The following NSUN6 variants were observed in gnomAD, a reference collection of about 807,000 sequenced individuals.
NSUN6 encodes NOP2/Sun RNA methyltransferase 6.
A neutral mutation model predicts 58.0 loss-of-function variants in NSUN6; 64 were observed. That is an observed-to-expected ratio of 1.10 (90% confidence interval 0.90 to 1.36). NSUN6 has a LOEUF of 1.36. Ranked by LOEUF, NSUN6 falls within the 40% of genes most tolerant of loss-of-function variation. The pLI, the probability that NSUN6 is intolerant of heterozygous loss-of-function variation, is 0.00. For missense variants in NSUN6, 701 were observed against 550.1 expected (o/e 1.27, Z -2.74); for synonymous variants, 231 against 193.9 (o/e 1.19, Z -1.59).
In NSUN6 at chr10:18,648,501, C is replaced by A; in HGVS notation, c.220G>T (p.Glu74Ter). 1 of 1,596,954 alleles carries A rather than the reference C, an allele frequency of 6.3e-7. No individual in the cohort carries two copies. Among genetic ancestry groups the A allele is most frequent in the Non-Finnish European group, 8.6e-7 (1 of 1,169,016 alleles). Residue 74 changes from glutamate to a stop codon, truncating the protein, a stop_gained, in exon 2 of 11, where the codon GAA becomes TAA. Coordinates refer to ENST00000377304, the MANE Select transcript of NSUN6 (RefSeq NM_182543.5). LOFTEE classifies it high-confidence loss of function. ...VQHVKNLLLD[E>*]LQKQFNGLSV... ...AAATTTCCACAAACCTTCTGAAGTT[C>A]ATCAAGTAACAGATTTTTCACATGT...
intron 6 of NSUN6, among the ~76,000 whole-genome samples, chr10:18,603,402 G>C (rs550962930): frequency 6.6e-6 from 1 of 152,252 alleles, no homozygotes; most frequent in South Asian, 2.1e-4. Flanking sequence ...CTGCTCAATG[G>C]AATGTACATA....
At chr10:18,626,997 G>A (rs867462015) in intron 3 of NSUN6, among the ~76,000 whole-genome samples, 1 of 152,114 alleles carries the variant, frequency 6.6e-6, no homozygotes, top group Non-Finnish European at 1.5e-5. Flanking sequence ...TTGATTTTTG[G>A]CCTAAAAAGT....
chr10:18,642,352 C>T, intron 3 of NSUN6, 124 bp downstream of exon 3: 1 of 599,698 alleles, frequency 1.7e-6, no homozygotes, highest in South Asian at 2.3e-5. Flanking sequence ...GTTTTGAATT[C>T]CTGTTATCTA....
upstream of NSUN6, among the ~76,000 whole-genome samples, chr10:18,659,036 C>A (rs2059809241): frequency 6.6e-6 from 1 of 152,232 alleles, no homozygotes; most frequent in Non-Finnish European, 1.5e-5. Context: ...ACGGCGGCTG[C>A]TCACTTAGAG....
chr10:18,640,460 G>A (rs1477626254), intron 3 of NSUN6, among the ~76,000 whole-genome samples: 2 of 152,156 alleles, frequency 1.3e-5, no homozygotes, highest in Non-Finnish European at 1.5e-5. Flanking sequence ...AATAAGAAAT[G>A]GCCAAAGTTT....
chr10:18,651,831 G>A, upstream of NSUN6: 5 of 985,460 alleles, frequency 5.1e-6, no homozygotes, highest in Non-Finnish European at 6.0e-6. Context: ...TTAGTTCCCG[G>A]TACCGGAGGG....
intron 8 of NSUN6, among the ~76,000 whole-genome samples, chr10:18,565,749 C>T (rs1378023226): frequency 1.3e-5 from 2 of 150,300 alleles, no homozygotes; most frequent in African/African-American, 2.4e-5. Flanking sequence ...CCATTCCACG[C>T]TCCATTTCAT....
At chr10:18,612,756 A>G (rs1034975508) in intron 5 of NSUN6, among the ~76,000 whole-genome samples, 4 of 152,254 alleles carry the variant, frequency 2.6e-5, no homozygotes, top group African/African-American at 9.6e-5. Flanking sequence ...TTATTCAGGT[A>G]TGAGATTACA....
At chr10:18,587,092 T>C (rs1024356062) in intron 7 of NSUN6, among the ~76,000 whole-genome samples, 2 of 152,182 alleles carry the variant, frequency 1.3e-5, no homozygotes, top group African/African-American at 2.4e-5. Flanking sequence ...AATAATCTTA[T>C]AATAACTAGC....
chr10:18,590,278 A>G (rs1220602807), intron 7 of NSUN6, among the ~76,000 whole-genome samples: 1 of 152,212 alleles, frequency 6.6e-6, no homozygotes, highest in Non-Finnish European at 1.5e-5. Flanking sequence ...AGAGACCTAC[A>G]AAGAGACTTA....
At chr10:18,550,945 C>T (rs1003655042) in intron 9 of NSUN6, among the ~76,000 whole-genome samples, 6 of 152,010 alleles carry the variant, frequency 3.9e-5, no homozygotes, top group Admixed American at 1.3e-4. Flanking sequence ...AGGCTGGTCT[C>T]GAACTCCTGA....
At chr10:18,579,061 ACCCCCAGACATACCTGG>A (rs995667269) in intron 8 of NSUN6, among the ~76,000 whole-genome samples, 1 of 152,186 alleles carries the variant, frequency 6.6e-6, no homozygotes, top group Non-Finnish European at 1.5e-5. Flanking sequence ...CACCAGAATG[ACCCCCAGACATACCTGG>A]CGTGAGTGAA....
chr10:18,644,916 G>A (rs1184115775), intron 2 of NSUN6, among the ~76,000 whole-genome samples: 4 of 151,024 alleles, frequency 2.6e-5, no homozygotes, highest in South Asian at 4.2e-4. Flanking sequence ...CCAGCACTCT[G>A]TGAGGCCGAA....
chr10:18,641,446 G>T (rs1402462250), intron 3 of NSUN6, among the ~76,000 whole-genome samples: 2 of 150,880 alleles, frequency 1.3e-5, no homozygotes, highest in Non-Finnish European at 2.9e-5. Flanking sequence ...GCTCACTGCA[G>T]CCTCCACCTC....
chr10:18,624,324 C>T (rs1467238519), intron 3 of NSUN6, among the ~76,000 whole-genome samples: 5 of 151,888 alleles, frequency 3.3e-5, no homozygotes, highest in African/African-American at 9.7e-5. Context: ...AAACTTATCT[C>T]CTATACTATT....
chr10:18,624,568 G>T (rs1360471609), intron 3 of NSUN6, among the ~76,000 whole-genome samples: 1 of 140,252 alleles, frequency 7.1e-6, no homozygotes, highest in South Asian at 2.3e-4. Flanking sequence ...GGAGAATGGC[G>T]TAGACCCGGG....
In NSUN6 at chr10:18,545,882, CCA is replaced by C; in HGVS notation, c.*49_*50del. The C allele has an allele frequency of 2.2e-6, 1 of 464,220 alleles. No individual in the cohort carries two copies. The allele number at this position is 464,220 out of a possible 1,614,324, so 28.8% of individuals were successfully genotyped here. On this transcript the variant is annotated 3_prime_UTR_variant, in exon 11 of 11. Transcript: ENST00000377304. Reference sequence around the variant, plus strand: ...AACACTTTGGTTAAAAAAAAAAAAACCACAGACAGCAAATGTTTGGAATTTTC... The same window carrying C: ...AACACTTTGGTTAAAAAAAAAAAAACCAGACAGCAAATGTTTGGAATTTTC...
upstream of NSUN6, among the ~76,000 whole-genome samples, chr10:18,654,063 G>C (rs2131620868): frequency 6.6e-6 from 1 of 152,246 alleles, no homozygotes; most frequent in South Asian, 2.1e-4. Context: ...AGGCTCTTTA[G>C]GGGGATGATA....
At chr10:18,658,925 T>G (rs2059807532), upstream of NSUN6, among the ~76,000 whole-genome samples, 1 of 152,146 alleles carries the variant, frequency 6.6e-6, no homozygotes, top group African/African-American at 2.4e-5. Flanking sequence ...TGAAGAAGAA[T>G]CACGGCAGAA....
Sources: allele counts gnomAD v4.1 joint callset (sites outside exome capture counted in the v4.1 genomes callset), GRCh38; gene constraint gnomAD v4.1.1; transcripts MANE v1.5; gene names NCBI Gene and HGNC (gene_info 2026-07-23, HGNC 2026-07-21).